ZFHX2: variants seen among roughly 807,000 people sequenced by gnomAD.
ZFHX2 encodes zinc finger homeobox 2.
A neutral mutation model predicts 164.8 loss-of-function variants in ZFHX2; 75 were observed. The ratio of observed to expected loss-of-function variants is 0.46; its 90% CI spans 0.38 to 0.55. The LOEUF is 0.55. Ranked by LOEUF, ZFHX2 falls within the 20% of genes least tolerant of loss-of-function variation. The pLI, the probability that ZFHX2 is intolerant of heterozygous loss-of-function variation, is 0.00. For synonymous variants in ZFHX2, 1,217 were observed against 1,351.4 expected (o/e 0.90, Z 2.18); for missense variants, 2,933 against 3,308.0 (o/e 0.89, Z 2.78).
chr14:23,522,620 C>T lies in ZFHX2; in HGVS notation c.7061G>A (p.Gly2354Glu), dbSNP rs1321209824. 3.9e-6 allele frequency: 6 copies of T among 1,533,320 alleles called. No individual in the cohort carries two copies. The highest frequency in any genetic ancestry group is 4.4e-6 in the Non-Finnish European group (5 of 1,144,972). 95.0% of individuals were successfully genotyped at this position (1,533,320 alleles called of 1,614,324 possible). ...AAAGACAGCTGGCGGTGCTGTTCCC[C>T]CAGCAGGGGGCAATGGAAAGGGCAG... ...QFLPFPLPPA[G>E]GTAPPAVFGP... The change falls in exon 10 of 10, where the codon GGG becomes GAG. Residue 2354 changes from glycine (G) to glutamate (E), a missense_variant. Gly to Glu is a moderately conservative substitution (Grantham distance 98, BLOSUM62 -2). Transcript: ENST00000419474.
intron 1 of ZFHX2, among the ~76,000 whole-genome samples, chr14:23,540,338 C>T (rs1880662392): frequency 6.6e-6 from 1 of 152,220 alleles, no homozygotes; most frequent in African/African-American, 2.4e-5. Flanking sequence ...AATCTACCCA[C>T]TTTCCCTTAG....
Position 23,525,428 on chromosome 14 carries a change from C to G in ZFHX2, c.4514G>C (p.Arg1505Pro). The G allele has an allele frequency of 6.5e-7, 1 of 1,536,094 alleles. No homozygotes were observed. The highest frequency in any genetic ancestry group is 8.7e-7 in the Non-Finnish European group (1 of 1,146,902). The change falls in exon 9 of 10, where the codon CGC (arginine) becomes CCC (proline). Residue 1505 changes from arginine to proline, a missense_variant. Coordinates refer to ENST00000419474, the MANE Select transcript of ZFHX2 (RefSeq NM_033400.3). The surrounding 1 kb of genome is among the most constrained non-coding windows in gnomAD (Gnocchi z 5.9). ...LKTHEEHVHR[R>P]FLPFEALSRY... Reference sequence around the variant, plus strand: ...GCTCAGGGCTTCAAAGGGCAGAAAGCGGCGGTGGACATGTTCCTCGTGTGT... The same window carrying G: ...GCTCAGGGCTTCAAAGGGCAGAAAGGGGCGGTGGACATGTTCCTCGTGTGT...
chr14:23,531,635 G>A lies in ZFHX2; in HGVS notation c.2646C>T (p.Arg882=). ...CLLCAWETPS[R]LAVLQHLRTP... is the part of the protein sequence containing the mutation. ...TGCGCAGGTGTTGCAGCACAGCCAA[G>A]CGGGAGGGTGTCTCCCACGCACACA... The change falls in exon 4 of 10, where the codon CGC becomes CGT. Residue 882 remains arginine (R), a synonymous_variant. Transcript: ENST00000419474. 1.3e-6 allele frequency: 2 copies of A among 1,520,490 alleles called. No individual in the cohort carries two copies. The highest frequency in any genetic ancestry group is 1.8e-6 in the Non-Finnish European group (2 of 1,137,226). 94.2% of individuals were successfully genotyped at this position (1,520,490 alleles called of 1,614,324 possible). A position where few individuals can be genotyped will look rare whatever the true frequency, so the allele number is the denominator to read the frequency against.
Position 23,524,236 on chromosome 14 carries a change from C to G in ZFHX2, c.5706G>C (p.Gln1902His). The G allele has an allele frequency of 1.3e-6, 2 of 1,536,512 alleles. No individual in the cohort carries two copies. The highest frequency in any genetic ancestry group is 1.7e-6 in the Non-Finnish European group (2 of 1,147,030). Residue 1902 changes from glutamine to histidine, a missense_variant, in exon 9 of 10, where the codon CAG becomes CAC. Gln to His is a conservative substitution (Grantham distance 24). Transcript: ENST00000419474. The surrounding 1 kb of genome is among the most constrained non-coding windows in gnomAD (Gnocchi z 5.6). ...GGGCCCTGGTATTCTGGAACCAGAC[C>G]TGTACCACTCGCTTTTTGAGCCCCA... is the stretch of plus-strand genomic sequence containing the variant. ...EEVGLKKRVV[Q>H]VWFQNTRARE...
At chr14:23,540,144 C>G (rs1001661322) in intron 1 of ZFHX2, among the ~76,000 whole-genome samples, 1 of 152,190 alleles carries the variant, frequency 6.6e-6, no homozygotes, top group Non-Finnish European at 1.5e-5. Flanking sequence ...GCATGTGCCA[C>G]CACGCCCAGC....
chr14:23,538,664 G>C (rs964045723), intron 1 of ZFHX2, among the ~76,000 whole-genome samples: 2 of 152,012 alleles, frequency 1.3e-5, no homozygotes, highest in African/African-American at 4.8e-5. Context: ...CTCAGATGTG[G>C]GTAAAGAGAC....
chr14:23,549,753 G>C (rs1359955637), intron 1 of ZFHX2, among the ~76,000 whole-genome samples: 1 of 152,180 alleles, frequency 6.6e-6, no homozygotes, highest in African/African-American at 2.4e-5. Context: ...TGATGGAGGG[G>C]TTATATGCCC....
Position 23,527,453 on chromosome 14 carries a change from C to T in ZFHX2, c.3135+151G>A, listed in dbSNP as rs572264624. On this transcript the variant is annotated intron_variant, in intron 7 of 9. Coordinates refer to ENST00000419474, the MANE Select transcript of ZFHX2 (RefSeq NM_033400.3). ...CTGGATGGCCCTAACAAGGCCTTGT[C>T]GGACCGTCCTCACCCAGCCAACACA... The T allele has an allele frequency of 1.4e-4, 139 of 1,021,792 alleles. 1 individual carries two copies. Among genetic ancestry groups the T allele is most frequent in the South Asian group, 1.0e-3 (64 of 64,296 alleles). 63.3% of individuals were successfully genotyped at this position (1,021,792 alleles called of 1,614,324 possible).
chr14:23,529,918 A>G, intron 5 of ZFHX2, 150 bp from the exon 6 acceptor site: 1 of 976,834 alleles, frequency 1.0e-6, no homozygotes, highest in Non-Finnish European at 1.5e-6. Context: ...ACTCCGGGTC[A>G]GTAGGATGGT....
At chr14:23,537,259 C>A (rs536813894) in intron 1 of ZFHX2, among the ~76,000 whole-genome samples, 2 of 151,968 alleles carry the variant, frequency 1.3e-5, no homozygotes, top group Non-Finnish European at 2.9e-5. Flanking sequence ...AGGAACCTCC[C>A]CCTCAAACTC....
chr14:23,535,275 C>A lies in ZFHX2; in HGVS notation c.51G>T (p.Gly17=), dbSNP rs368195600. 4.0e-5 allele frequency: 59 copies of A among 1,491,132 alleles called. No individual in the cohort carries two copies. The African/African-American group carries it at 7.1e-4, about 18-fold the overall frequency. 92.4% of individuals were successfully genotyped at this position (1,491,132 alleles called of 1,614,324 possible). ...ASTTGTTPSP[G]HNAPSLPSDT... Reference sequence around the variant, plus strand: ...CCGAAGGCAGGGACGGGGCATTGTGCCCAGGGGAGGGGGTGGTACCAGTGG... The same window carrying A: ...CCGAAGGCAGGGACGGGGCATTGTGACCAGGGGAGGGGGTGGTACCAGTGG... The change falls in exon 2 of 10, where the codon GGG becomes GGT. Residue 17 remains glycine (G), a synonymous_variant. Coordinates refer to ENST00000419474, the MANE Select transcript of ZFHX2 (RefSeq NM_033400.3). This position sits in a 1 kb window ranked among gnomAD's most constrained non-coding sequence, Gnocchi z 4.5.
At position 23,523,705 on chromosome 14, in the gene ZFHX2, G is replaced by A; in HGVS notation, c.6237C>T (p.Ile2079=). Residue 2079 remains isoleucine (I), a synonymous_variant, in exon 9 of 10, where the codon ATC becomes ATT. Transcript: ENST00000419474. The surrounding 1 kb of genome is among the most constrained non-coding windows in gnomAD (Gnocchi z 4.1). ...GGTAAGCTTCATAGCAGGCTTTCAT[G>A]ATCTTCAGCTGCAGGCTGCTCATCT... ...RTQMSSLQLK[I]MKACYEAYRT... 6.5e-7 allele frequency: 1 copy of A among 1,536,794 alleles called. No homozygotes were observed. Among genetic ancestry groups the A allele is most frequent in the Non-Finnish European group, 8.7e-7 (1 of 1,147,134 alleles).
At chr14:23,528,123 G>C (rs1452186560) in intron 6 of ZFHX2, among the ~76,000 whole-genome samples, 2 of 152,114 alleles carry the variant, frequency 1.3e-5, no homozygotes, top group Non-Finnish European at 2.9e-5. Flanking sequence ...TGGCCAGGTT[G>C]GTCTTGAACT....
chr14:23,532,960 T>G lies in ZFHX2; in HGVS notation c.2166A>C (p.Leu722=), dbSNP rs1438711200. 1.3e-6 allele frequency: 2 copies of G among 1,536,160 alleles called. No individual in the cohort carries two copies. Among genetic ancestry groups the G allele is most frequent in the South Asian group, 2.4e-5 (2 of 84,060 alleles). The change falls in exon 3 of 10, where the codon CTA becomes CTC. Residue 722 remains leucine, a synonymous_variant. Transcript: ENST00000419474. ...TGTCTGTGCTGAAGGCCTGGCACACTAGGCAGCGGAACACCTTCAGGGACA... is the reference window on the plus strand; with the variant it reads ...TGTCTGTGCTGAAGGCCTGGCACACGAGGCAGCGGAACACCTTCAGGGACA... ...DSLSLKVFRC[L]VCQAFSTDSL... is the part of the protein sequence containing the mutation.
rs1467875866 is a variant in ZFHX2 at position 23,524,955 on chromosome 14, C to T, written c.4987G>A (p.Gly1663Arg). ...NACEGGSMPT[G>R]GGTGGASGCR... is the part of the protein sequence containing the mutation. ...CCGGAGGCTCCCCCAGTGCCTCCTC[C>T]GGTTGGCATGGACCCACCCTCACAG... Residue 1663 changes from glycine (G) to arginine (R), a missense_variant, in exon 9 of 10, where the codon GGA (glycine) becomes AGA (arginine). Gly to Arg is a moderately radical substitution (Grantham distance 125). Transcript: ENST00000419474. The surrounding 1 kb of genome is among the most constrained non-coding windows in gnomAD (Gnocchi z 5.6). 28 of 1,536,286 alleles carry T rather than the reference C, an allele frequency of 1.8e-5. No individual in the cohort carries two copies. The highest frequency in any genetic ancestry group is 1.8e-4 in the Admixed American group (9 of 51,010).
rs185512632 is a variant in ZFHX2 at position 23,551,296 on chromosome 14, G to A, written c.-50+47C>T. On this transcript the variant is annotated intron_variant, in intron 1 of 9. Coordinates refer to ENST00000419474, the MANE Select transcript of ZFHX2 (RefSeq NM_033400.3). This position sits in a 1 kb window ranked among gnomAD's most constrained non-coding sequence, Gnocchi z 5.3. Reference sequence around the variant, plus strand: ...AGGAAGGGAAGAAGAGAGAGAGGGAGAGGAGAAAAAAACCAACCCAGCAGC... The same window carrying A: ...AGGAAGGGAAGAAGAGAGAGAGGGAAAGGAGAAAAAAACCAACCCAGCAGC... 6.6e-6 allele frequency: 1 copy of A among 152,656 alleles called. No homozygotes were observed. Among genetic ancestry groups the A allele is most frequent in the East Asian group, 1.9e-4 (1 of 5,132 alleles). The allele number at this position is 152,656 out of a possible 1,614,324, so 9.5% of individuals were successfully genotyped here.
rs1265023038 is a variant in ZFHX2, at chr14:23,535,995, T to C, written c.-49-621A>G. Among the ~76,000 whole-genome samples the C allele has an allele frequency of 6.6e-6, 1 of 152,190 alleles. No individual in the cohort carries two copies. The highest frequency in any genetic ancestry group is 1.5e-5 in the Non-Finnish European group (1 of 68,038). ...TGGCTTAGACTAAAAACCCAAAGTTTTATCTTGCCCTCACCTACTGGACAT... is the reference window on the plus strand; with the variant it reads ...TGGCTTAGACTAAAAACCCAAAGTTCTATCTTGCCCTCACCTACTGGACAT... On this transcript the variant is annotated intron_variant, in intron 1 of 9. Transcript: ENST00000419474. The surrounding 1 kb of genome is among the most constrained non-coding windows in gnomAD (Gnocchi z 4.5).
At chr14:23,532,157 C>A (rs1405959260) in intron 3 of ZFHX2, 3 of 164,382 alleles carry the variant, frequency 1.8e-5, no homozygotes, top group Admixed American at 6.5e-5. Flanking sequence ...CTCCTGAAAC[C>A]CCCCCTTTCC....
In ZFHX2 at chr14:23,523,236, G is replaced by A; in HGVS notation, c.6706C>T (p.Pro2236Ser). The A allele has an allele frequency of 1.4e-6, 2 of 1,432,780 alleles. No individual in the cohort carries two copies. The highest frequency in any genetic ancestry group is 1.4e-5 in the African/African-American group (1 of 69,746). 88.8% of individuals were successfully genotyped at this position (1,432,780 alleles called of 1,614,324 possible). A position where few individuals can be genotyped will look rare whatever the true frequency, so the allele number is the denominator to read the frequency against. The change falls in exon 9 of 10, where the codon CCC becomes TCC. Residue 2236 changes from proline to serine, a missense_variant. Pro to Ser is a moderately conservative substitution (Grantham distance 74, BLOSUM62 -1). Transcript: ENST00000419474. This position sits in a 1 kb window ranked among gnomAD's most constrained non-coding sequence, Gnocchi z 4.1. ...AAAGGAGCTAAGTTGCCCAGCGGGG[G>A]CTGAGCCAGAGCTGGGCCAGATAAG... is the stretch of plus-strand genomic sequence containing the variant. The part of the protein sequence containing the change: ...VLLSGPALAQ[P>S]PLGNLAPFNS...
Sources: gnomAD v4.1 joint callset for allele counts (sites outside exome capture counted in the v4.1 genomes callset) on GRCh38, gnomAD v4.1.1 for gene constraint, Gnocchi (gnomAD v3.1) non-coding constraint, MANE v1.5 for transcripts, NCBI Gene and HGNC (gene_info 2026-07-23, HGNC 2026-07-21) for gene names.